DUOX2: variants seen among roughly 807,000 people sequenced by gnomAD.
DUOX2 encodes dual oxidase 2.
In DUOX2, 185 loss-of-function variants were observed where a neutral mutation model predicts 183.3. That is an observed-to-expected ratio of 1.01 (90% CI 0.90 to 1.14). The LOEUF is 1.14. Among genes scored for constraint, DUOX2 ranks in the 50% most tolerant of loss-of-function variants. The probability of loss-of-function intolerance (pLI) is 0.00; values close to 1 mark genes in which losing one functional copy is unlikely to be tolerated. For synonymous variants in DUOX2, 788 were observed against 812.4 expected (o/e 0.97, Z 0.51); for missense variants, 1,999 against 2,022.9 (o/e 0.99, Z 0.23).
chr15:45,095,370 A>C lies in DUOX2; in HGVS notation c.4239+67T>G, dbSNP rs1595518646. On this transcript the variant is annotated intron_variant, in intron 31 of 33. Coordinates refer to ENST00000389039, the MANE Select transcript of DUOX2 (RefSeq NM_001363711.2). Reference sequence around the variant, plus strand: ...AGCCAGGAGCTTTCTCTCATGCTCCACCACTTGATGCGGGTCACAATTCGG... The same window carrying C: ...AGCCAGGAGCTTTCTCTCATGCTCCCCCACTTGATGCGGGTCACAATTCGG... The C allele has an allele frequency of 2.5e-6, 4 of 1,604,094 alleles. No individual in the cohort carries two copies. In the East Asian group the frequency reaches 8.9e-5, roughly 36 times the overall value.
At chr15:45,102,753 G>A (rs572771500) in intron 20 of DUOX2, among the ~76,000 whole-genome samples, 9 of 152,256 alleles carry the variant, frequency 5.9e-5, no homozygotes, top group East Asian at 1.9e-4. Context: ...AGGCTGAGGC[G>A]GGCTGATCCC....
rs1397744699 is a variant in DUOX2 at position 45,100,738 on chromosome 15, A to C, written c.3005+17T>G. The C allele has an allele frequency of 2.5e-6, 4 of 1,611,990 alleles. No individual in the cohort carries two copies. Among genetic ancestry groups the C allele is most frequent in the Non-Finnish European group, 3.4e-6 (4 of 1,178,096 alleles). The stretch of plus-strand genomic sequence containing the variant: ...TCTCCATGTCTCTTTGGGCCCAGGG[A>C]TTTGGGAGACACTCACTTTTTGCCA... On this transcript the variant is annotated intron_variant, in intron 23 of 33. Coordinates refer to ENST00000389039, the MANE Select transcript of DUOX2 (RefSeq NM_001363711.2).
rs1335278903 is a variant in DUOX2, at chr15:45,112,666, C to A, written c.213G>T (p.Gln71His). 6.2e-7 allele frequency: 1 copy of A among 1,612,856 alleles called. No homozygotes were observed. Among genetic ancestry groups the A allele is most frequent in the Admixed American group, 1.7e-5 (1 of 60,030 alleles). ...VPANYADGVY[Q>H]ALEEPQLPNP... ...TGGGCAGCTGCGGCTCCTCCAGAGCCTGATACACACCGTCGGCGTAATTGG... is the reference window on the plus strand; with the variant it reads ...TGGGCAGCTGCGGCTCCTCCAGAGCATGATACACACCGTCGGCGTAATTGG... Residue 71 changes from glutamine to histidine, a missense_variant, in exon 4 of 34, where the codon CAG (glutamine) becomes CAT (histidine). By Grantham distance (24) the Gln-to-His change is conservative. Transcript: ENST00000389039.
chr15:45,112,044 A>C (rs1205280024), intron 4 of DUOX2, 89 bp from the exon 5 acceptor site: 1 of 1,516,650 alleles, frequency 6.6e-7, no homozygotes, highest in African/African-American at 1.4e-5. Context: ...CTCAGGAGCC[A>C]AAAGACAGAG....
chr15:45,113,559 GT>G, intron 1 of DUOX2, 134 bp from the exon 2 acceptor site: 1 of 730,802 alleles, frequency 1.4e-6, no homozygotes, highest in Non-Finnish European at 2.4e-6. Context: ...GAAGGTAGCT[GT>G]TAGAAGCATC....
chr15:45,102,806 A>AC (rs1319697777), intron 20 of DUOX2, among the ~76,000 whole-genome samples: 1 of 152,100 alleles, frequency 6.6e-6, no homozygotes, highest in Non-Finnish European at 1.5e-5. Flanking sequence ...ACATGGTGAA[A>AC]CCCCATCTCT....
In DUOX2 at chr15:45,097,206, G is replaced by T. The variant is rs766285514; in HGVS notation, c.3847+32C>A. On this transcript the variant is annotated intron_variant, in intron 29 of 33. Coordinates refer to ENST00000389039, the MANE Select transcript of DUOX2 (RefSeq NM_001363711.2). ...CATGTCTGAAGATTTGGCCTCTGTC[G>T]CTCCCGACCCAGGTCAGGCTGGGCC... 6.8e-6 allele frequency: 11 copies of T among 1,613,542 alleles called. No individual in the cohort carries two copies. The South Asian group carries it at 1.2e-4, about 18-fold the overall frequency.
intron 17 of DUOX2, 38 bp from the exon 18 acceptor site, chr15:45,105,866 G>A (rs771666021): frequency 6.6e-5 from 107 of 1,611,650 alleles, no homozygotes; most frequent in Non-Finnish European, 8.4e-5. Context: ...CAGGGAGCTC[G>A]CTGGACCTTC....
rs1455637529 is a variant in DUOX2, at chr15:45,108,151, C to T, written c.1470G>A (p.Leu490=). 2 of 1,614,158 alleles carry T rather than the reference C, an allele frequency of 1.2e-6. No homozygotes were observed. The highest frequency in any genetic ancestry group is 2.2e-5 in the East Asian group (1 of 44,876). ...GGGGTCCAGGGTCCCCATGGCTCTCCAGGAGCCCCCCAAGGAGCAGCTCTA... is the reference window on the plus strand; with the variant it reads ...GGGGTCCAGGGTCCCCATGGCTCTCTAGGAGCCCCCCAAGGAGCAGCTCTA... ...SQLELLLGGL[L]ESHGDPGPLF... Residue 490 remains leucine (L), a synonymous_variant, in exon 13 of 34, where the codon CTG becomes CTA. Transcript: ENST00000389039.
intron 31 of DUOX2, 47 bp downstream of exon 31, chr15:45,095,390 A>G (rs777904484): frequency 1.2e-6 from 2 of 1,612,978 alleles, no homozygotes; most frequent in Non-Finnish European, 8.5e-7. Context: ...GCGGGTCACA[A>G]TTCGGCCACC....
In DUOX2 at chr15:45,094,663, A is replaced by G. The variant is rs1893853530; in HGVS notation, c.4424T>C (p.Val1475Ala). 6.2e-7 allele frequency: 1 copy of G among 1,614,096 alleles called. No homozygotes were observed. The highest frequency in any genetic ancestry group is 8.5e-7 in the Non-Finnish European group (1 of 1,180,006). Residue 1475 changes from valine to alanine, a missense_variant, in exon 33 of 34, where the codon GTG (valine) becomes GCG (alanine). By Grantham distance (64) the Val-to-Ala change is moderately conservative. Coordinates refer to ENST00000389039, the MANE Select transcript of DUOX2 (RefSeq NM_001363711.2). The part of the protein sequence containing the change: ...LYICERHFQK[V>A]LNRSLFTGLR... ...GCCCGTGAACAGACTCCGGTTCAGC[A>G]CTTTCTGGAAGTGCCGCTCGCAGAT...
chr15:45,108,298 C>T (rs1266231523), intron 12 of DUOX2, 76 bp from the exon 13 acceptor site: 2 of 1,551,568 alleles, frequency 1.3e-6, no homozygotes, highest in Non-Finnish European at 1.8e-6. Flanking sequence ...ATCCCTCGGG[C>T]ACAGAACCTC....
intron 20 of DUOX2, 38 bp downstream of exon 20, chr15:45,103,922 A>T: frequency 6.2e-7 from 1 of 1,610,176 alleles, no homozygotes; most frequent in Non-Finnish European, 8.5e-7. Context: ...TTTGAAACAC[A>T]CCAGGAAGTC....
chr15:45,095,128 G>C, intron 31 of DUOX2, 37 bp from the exon 32 acceptor site: 1 of 1,602,226 alleles, frequency 6.2e-7, no homozygotes, highest in East Asian at 2.2e-5. Context: ...ACCCAGCTCA[G>C]TTCAGCCTCC....
At chr15:45,104,078 G>C in intron 19 of DUOX2, 25 bp from the exon 20 acceptor site, 1 of 1,614,042 alleles carries the variant, frequency 6.2e-7, no homozygotes, top group Non-Finnish European at 8.5e-7. Context: ...GGGAATGCAG[G>C]TCATCTCCTT....
intron 1 of DUOX2, among the ~76,000 whole-genome samples, 184 bp downstream of exon 1, chr15:45,113,789 G>T (rs269855): frequency 6.6e-6 from 1 of 152,100 alleles, no homozygotes; most frequent in Non-Finnish European, 1.5e-5. Context: ...ACCCGCCCCC[G>T]ATCCGTCAGG....
Position 45,100,201 on chromosome 15 carries a change from G to T in DUOX2, c.3033C>A (p.Tyr1011Ter), listed in dbSNP as rs765438725. ...KKAAVPTPRLYTEALQEKMQR... is the reference protein window; with the variant it reads ...KKAAVPTPRL ...GCATCTTCTCTTGCAGCGCCTCTGT[G>T]TACAGCCGGGGAGTGGGCACTGCTG... The change falls in exon 24 of 34, where the codon TAC becomes TAA. Residue 1011 changes from tyrosine to a stop codon, truncating the protein, a stop_gained. Coordinates refer to ENST00000389039, the MANE Select transcript of DUOX2 (RefSeq NM_001363711.2). LOFTEE classifies it high-confidence loss of function. The T allele has an allele frequency of 1.2e-6, 2 of 1,614,008 alleles. No individual in the cohort carries two copies. Among genetic ancestry groups the T allele is most frequent in the South Asian group, 2.2e-5 (2 of 91,090 alleles).
In DUOX2 at chr15:45,094,685, A is replaced by T; in HGVS notation, c.4402T>A (p.Cys1468Ser). Residue 1468 changes from cysteine (C) to serine (S), a missense_variant, in exon 33 of 34, where the codon TGC (cysteine) becomes AGC (serine). By Grantham distance (112) the Cys-to-Ser change is moderately radical (BLOSUM62 -1). Coordinates refer to ENST00000389039, the MANE Select transcript of DUOX2 (RefSeq NM_001363711.2). Reference protein sequence around the residue: ...FDLRTTMLYICERHFQKVLNR... With the variant: ...FDLRTTMLYISERHFQKVLNR... ...AGCACTTTCTGGAAGTGCCGCTCGC[A>T]GATGTACTGGGGGCACAGGGGCAGG... The T allele has an allele frequency of 6.2e-7, 1 of 1,614,076 alleles. No individual in the cohort carries two copies. The highest frequency in any genetic ancestry group is 1.3e-5 in the African/African-American group (1 of 75,028).
rs774639200 is a variant in DUOX2 at position 45,108,145 on chromosome 15, G to A, written c.1476C>T (p.Ser492=). 3 of 1,613,984 alleles carry A rather than the reference G, an allele frequency of 1.9e-6. No individual in the cohort carries two copies. Among genetic ancestry groups the A allele is most frequent in the Non-Finnish European group, 1.7e-6 (2 of 1,179,992 alleles). ...LELLLGGLLE[S]HGDPGPLFSA... ...TGAACAGGGGTCCAGGGTCCCCATG[G>A]CTCTCCAGGAGCCCCCCAAGGAGCA... Residue 492 remains serine, a synonymous_variant, in exon 13 of 34, where the codon AGC becomes AGT. Transcript: ENST00000389039.
Sources: allele counts gnomAD v4.1 joint callset (sites outside exome capture counted in the v4.1 genomes callset), GRCh38; gene constraint gnomAD v4.1.1; transcripts MANE v1.5; gene names NCBI Gene and HGNC (gene_info 2026-07-23, HGNC 2026-07-21).